NAALADL2: variants seen among roughly 807,000 people sequenced by gnomAD.
NAALADL2 encodes the protein inactive N-acetylated-alpha-linked acidic dipeptidase-like protein 2.
NAALADL2 carries 76 observed loss-of-function variants against 87.2 expected under a neutral mutation model. That is an observed-to-expected ratio of 0.87 (90% CI 0.72 to 1.05). NAALADL2 has a LOEUF of 1.05. NAALADL2 is among the 50% of genes least tolerant of loss of function. The probability of loss-of-function intolerance (pLI) is 0.00; values close to 1 mark genes in which losing one functional copy is unlikely to be tolerated. For missense variants in NAALADL2, 1,089 were observed against 945.8 expected, an observed-to-expected ratio of 1.15 and a Z score of -1.99; for synonymous variants, 354 against 331.0, an observed-to-expected ratio of 1.07 and a Z score of -0.75.
chr3:174,493,920 G>C (rs1426651147), intron 1 of NAALADL2, among the ~76,000 whole-genome samples: 3 of 152,188 alleles, frequency 2.0e-5, no homozygotes, highest in African/African-American at 7.2e-5. Flanking sequence ...CTGTGATAGA[G>C]ATACGAACAA....
intron 10 of NAALADL2, among the ~76,000 whole-genome samples, chr3:175,588,917 T>G (rs1196025651): frequency 2.6e-5 from 4 of 152,212 alleles, no homozygotes; most frequent in African/African-American, 4.8e-5. Flanking sequence ...CTAATTGCCA[T>G]CAACTCCAAT....
intron 11 of NAALADL2, among the ~76,000 whole-genome samples, chr3:175,670,458 T>G (rs1733808732): frequency 6.8e-6 from 1 of 147,638 alleles, no homozygotes; most frequent in African/African-American, 2.5e-5. Flanking sequence ...AAATGTAAAT[T>G]TAATATATTT....
At position 175,256,484 on chromosome 3, in the gene NAALADL2, A is replaced by G. The variant is rs372115988; in HGVS notation, c.893A>G (p.Asn298Ser). 1.7e-5 allele frequency: 27 copies of G among 1,613,094 alleles called. 1 individual carries two copies. In the African/African-American group the frequency reaches 1.9e-4, roughly 11 times the overall value. Reference sequence around the variant, plus strand: ...ATTAGGAAAATAAAAAACGTAACAAATCAGATCGCACTCCTGAAATTAGGA... The same window carrying G: ...ATTAGGAAAATAAAAAACGTAACAAGTCAGATCGCACTCCTGAAATTAGGA... ...KRIRKIKNVT[N>S]QIALLKLGKL... Residue 298 changes from asparagine to serine, a missense_variant, in exon 4 of 14, where the codon AAT (asparagine) becomes AGT (serine). Coordinates refer to ENST00000454872, the MANE Select transcript of NAALADL2 (RefSeq NM_207015.3).
chr3:175,687,959 G>A (rs1736540891), intron 11 of NAALADL2, among the ~76,000 whole-genome samples: 1 of 152,060 alleles, frequency 6.6e-6, no homozygotes, highest in Admixed American at 6.6e-5. Flanking sequence ...ACACCCTGCA[G>A]AATTGTGAGC....
intron 4 of NAALADL2, 165 bp downstream of exon 4, chr3:175,256,695 T>C: frequency 2.0e-6 from 1 of 507,502 alleles, no homozygotes; most frequent in East Asian, 3.5e-5. Context: ...AAGATGGCTT[T>C]TCCACATTAG....
intron 1 of NAALADL2, among the ~76,000 whole-genome samples, chr3:174,896,322 AATTC>A (rs1489891302): frequency 1.6e-4 from 25 of 152,258 alleles, no homozygotes; most frequent in African/African-American, 5.5e-4. Context: ...TGATAAAAAA[AATTC>A]ATTCAAGTTG....
At position 175,768,324 on chromosome 3, in the gene NAALADL2, A is replaced by G. The variant is rs113753975; in HGVS notation, c.2189+12906A>G. On this transcript the variant is annotated intron_variant, in intron 13 of 13. Transcript: ENST00000454872. ...ACCAGGCCTTTCTTGTTTCAAAGCC[A>G]TCTCTCTCTCTCCGTGTACTCCCAG... 6.3e-3 allele frequency among the ~76,000 whole-genome samples: 956 copies of G among 151,996 alleles called. 13 individuals carry two copies. Among genetic ancestry groups the G allele is most frequent in the African/African-American group, 0.021 (889 of 41,474 alleles).
rs201356009 is a variant in NAALADL2, at chr3:174,627,771, T to TGA, written c.-115+77135_-115+77136dup. The stretch of plus-strand genomic sequence containing the variant: ...AATACTAGTTGGCCATTAAAAAGAA[T>TGA]GAAATCATGTCTTTTGGAGCAACAT... On this transcript the variant is annotated intron_variant, in intron 2 of 3. Transcript: ENST00000434257. Among the ~76,000 whole-genome samples the TGA allele has an allele frequency of 6.6e-3, 1,010 of 152,282 alleles. 9 individuals carry two copies. Among genetic ancestry groups the TGA allele is most frequent in the African/African-American group, 0.023 (961 of 41,564 alleles).
chr3:175,709,764 T>C (rs1740270617), intron 11 of NAALADL2, among the ~76,000 whole-genome samples: 1 of 152,038 alleles, frequency 6.6e-6, no homozygotes, highest in South Asian at 2.1e-4. Flanking sequence ...TAAGTAAAGA[T>C]CTGGCATTCA....
At chr3:175,751,601 A>T (rs1746634357) in intron 12 of NAALADL2, among the ~76,000 whole-genome samples, 1 of 152,234 alleles carries the variant, frequency 6.6e-6, no homozygotes, top group East Asian at 1.9e-4. Flanking sequence ...ATTCATGACC[A>T]CACTGATAGT....
intron 11 of NAALADL2, among the ~76,000 whole-genome samples, chr3:175,634,367 T>C (rs1654643373): frequency 6.6e-6 from 1 of 151,988 alleles, no homozygotes; most frequent in Non-Finnish European, 1.5e-5. Context: ...GTTGTTATAA[T>C]ATTCTTAAGA....
intron 9 of NAALADL2, among the ~76,000 whole-genome samples, chr3:175,565,869 C>T (rs1464957743): frequency 7.3e-6 from 1 of 136,144 alleles, no homozygotes; most frequent in Non-Finnish European, 1.6e-5. Flanking sequence ...TCACTCTGTC[C>T]CCCAGGCTGG....
At chr3:174,706,986 A>G (rs1287001109) in intron 2 of NAALADL2, among the ~76,000 whole-genome samples, 2 of 152,210 alleles carry the variant, frequency 1.3e-5, no homozygotes. Context: ...TGGGTGAACG[A>G]TATGAACAGA....
At chr3:175,350,748 A>G (rs6774623) in intron 5 of NAALADL2, among the ~76,000 whole-genome samples, 92,686 of 151,762 alleles carry the variant, frequency 0.61, 28,394 homozygotes, top group East Asian at 0.68. Flanking sequence ...AGAAGTATTA[A>G]AGTAAACTGT....
rs559823139 is a variant in NAALADL2, at chr3:175,793,575, G to C, written c.2190-9430G>C. On this transcript the variant is annotated intron_variant, in intron 13 of 13. Coordinates refer to ENST00000454872, the MANE Select transcript of NAALADL2 (RefSeq NM_207015.3). ...CGTGATCTGCCGACCTCGGCCTCCT[G>C]AAGTGCTGGGATTACAGGCGTGAGC... is the stretch of plus-strand genomic sequence containing the variant. Among the ~76,000 whole-genome samples the C allele has an allele frequency of 1.1e-4, 16 of 151,832 alleles. No homozygotes were observed. The South Asian group carries it at 2.9e-3, about 28-fold the overall frequency.
intron 1 of NAALADL2, among the ~76,000 whole-genome samples, chr3:174,466,303 A>G (rs1386593584): frequency 6.9e-6 from 1 of 144,814 alleles, no homozygotes; most frequent in East Asian, 2.1e-4. Flanking sequence ...CTCATCAGCT[A>G]TCCTTGATGC....
At chr3:175,131,843 C>G (rs1208534939) in intron 2 of NAALADL2, among the ~76,000 whole-genome samples, 1 of 112,940 alleles carries the variant, frequency 8.9e-6, no homozygotes, top group Non-Finnish European at 1.8e-5. Context: ...ACCTCCCTCC[C>G]GGACGGGGCG....
intron 2 of NAALADL2, among the ~76,000 whole-genome samples, chr3:174,658,201 C>T (rs182976164): frequency 6.6e-6 from 1 of 152,294 alleles, no homozygotes; most frequent in East Asian, 1.9e-4. Flanking sequence ...ACCAAACTGT[C>T]TTCCCAAGTG....
chr3:175,627,161 G>A (rs1727098683), intron 10 of NAALADL2, 130 bp from the exon 11 acceptor site: 5 of 679,760 alleles, frequency 7.4e-6, no homozygotes, highest in Non-Finnish European at 1.3e-5. Flanking sequence ...TCAGGAGAAT[G>A]AAATCCAGCA....
Sources: allele counts gnomAD v4.1 joint callset (sites outside exome capture counted in the v4.1 genomes callset), GRCh38; gene constraint gnomAD v4.1.1; transcripts MANE v1.5; gene names NCBI Gene and HGNC (gene_info 2026-07-23, HGNC 2026-07-21).